The following CEP63 variants were observed in gnomAD, a reference collection of about 807,000 sequenced individuals.
CEP63 encodes the protein centrosomal protein 63, also known as centrosomal protein of 63 kDa.
CEP63 carries 84 observed loss-of-function variants against 89.1 expected under a neutral mutation model. That is an observed-to-expected ratio of 0.94 (90% CI 0.79 to 1.13). CEP63 has a LOEUF of 1.13. Among genes scored for constraint, CEP63 ranks in the 50% most tolerant of loss-of-function variants. The probability of loss-of-function intolerance (pLI) is 0.00; values close to 1 mark genes in which losing one functional copy is unlikely to be tolerated. For synonymous variants in CEP63, 267 were observed against 272.5 expected, an observed-to-expected ratio of 0.98 and a Z score of 0.20; for missense variants, 838 against 813.3, an observed-to-expected ratio of 1.03 and a Z score of -0.37.
chr3:134,763,681 G>C, the CEP63 span, among the ~76,000 whole-genome samples: 2 of 152,144 alleles, frequency 1.3e-5, no homozygotes, highest in South Asian at 4.1e-4. Flanking sequence ...ATTCTTTCCA[G>C]GACCATAAAT....
the CEP63 span, among the ~76,000 whole-genome samples, chr3:134,665,702 C>CACACACACACACACAG: frequency 4.9e-5 from 5 of 102,324 alleles, no homozygotes; most frequent in Non-Finnish European, 9.9e-5. Context: ...CACACACACA[C>CACACACACACACACAG]AGAGAGAGAG....
chr3:134,631,404 G>A, the CEP63 span, among the ~76,000 whole-genome samples: 1,548 of 152,262 alleles, frequency 0.01, 35 homozygotes, highest in African/African-American at 0.036. Context: ...TCTTCAGACG[G>A]AAGAGAAATT....
chr3:134,744,687 T>A, the CEP63 span, among the ~76,000 whole-genome samples: 5 of 152,164 alleles, frequency 3.3e-5, no homozygotes, highest in Admixed American at 6.5e-5. Flanking sequence ...GCTAATTTTT[T>A]AAATTATTTT....
chr3:134,543,401 T>C (rs901285639), intron 6 of CEP63, among the ~76,000 whole-genome samples: 4 of 152,212 alleles, frequency 2.6e-5, no homozygotes, highest in African/African-American at 9.6e-5. Flanking sequence ...AGTTGATTAA[T>C]GTACTTTTCA....
the CEP63 span, chr3:134,615,427 A>T: frequency 9.5e-5 from 14 of 147,328 alleles, no homozygotes; most frequent in African/African-American, 3.5e-4. Context: ...CATATTCCTC[A>T]TAGCTGACAT....
At chr3:134,632,568 A>T in the CEP63 span, among the ~76,000 whole-genome samples, 1 of 152,064 alleles carries the variant, frequency 6.6e-6, no homozygotes, top group Non-Finnish European at 1.5e-5. Context: ...TGAAAATGAA[A>T]ATAAAACATA....
At chr3:134,731,997 G>A in the CEP63 span, among the ~76,000 whole-genome samples, 2 of 152,164 alleles carry the variant, frequency 1.3e-5, no homozygotes, top group Non-Finnish European at 1.5e-5. Context: ...AGCTGAGCTT[G>A]TAAAAGTTAA....
intron 6 of CEP63, among the ~76,000 whole-genome samples, chr3:134,544,153 A>G (rs1376752294): frequency 6.6e-6 from 1 of 152,202 alleles, no homozygotes; most frequent in Non-Finnish European, 1.5e-5. Flanking sequence ...TTAAATCTGC[A>G]ATAGATAGAT....
At chr3:134,516,880 C>T (rs970712783) in intron 3 of CEP63, among the ~76,000 whole-genome samples, 5 of 152,158 alleles carry the variant, frequency 3.3e-5, no homozygotes, top group Non-Finnish European at 4.4e-5. Flanking sequence ...TCTCTCTTTC[C>T]TTTCCCCATA....
the CEP63 span, among the ~76,000 whole-genome samples, chr3:134,647,053 A>G: frequency 6.6e-6 from 1 of 152,212 alleles, no homozygotes; most frequent in Non-Finnish European, 1.5e-5. Flanking sequence ...TTCAAGTCAT[A>G]CTGTCCCAAG....
At chr3:134,695,642 G>T in the CEP63 span, among the ~76,000 whole-genome samples, 14 of 152,302 alleles carry the variant, frequency 9.2e-5, no homozygotes, top group South Asian at 2.1e-4. Flanking sequence ...GAAAGAAGGG[G>T]CTCTGGACCG....
the CEP63 span, among the ~76,000 whole-genome samples, chr3:134,692,092 A>AT: frequency 3.9e-3 from 539 of 139,184 alleles, 2 homozygotes; most frequent in African/African-American, 0.014. Context: ...AGGCAGCTAG[A>AT]TTTTTTTTTT....
chr3:134,707,553 T>G, the CEP63 span, among the ~76,000 whole-genome samples: 1 of 152,244 alleles, frequency 6.6e-6, no homozygotes, highest in South Asian at 2.1e-4. Context: ...TACTCCTAGT[T>G]CCACTACTAC....
the CEP63 span, among the ~76,000 whole-genome samples, chr3:134,675,165 T>C: frequency 6.6e-6 from 1 of 152,214 alleles, no homozygotes; most frequent in Non-Finnish European, 1.5e-5. Flanking sequence ...ACCAATACTG[T>C]GTAGTCTGGC....
chr3:134,758,287 A>G, the CEP63 span, among the ~76,000 whole-genome samples: 1 of 152,184 alleles, frequency 6.6e-6, no homozygotes. Context: ...TAAATGAATG[A>G]TTCATCTTGC....
the CEP63 span, among the ~76,000 whole-genome samples, chr3:134,701,555 A>T: frequency 2.0e-5 from 3 of 151,674 alleles, no homozygotes; most frequent in African/African-American, 4.8e-5. Flanking sequence ...TACTATGGAC[A>T]TCAAGGGTAT....
chr3:134,729,643 C>G, the CEP63 span, among the ~76,000 whole-genome samples: 2 of 152,120 alleles, frequency 1.3e-5, no homozygotes, highest in Non-Finnish European at 2.9e-5. Flanking sequence ...AGAATAAGGT[C>G]TGGTTCAAAG....
intron 3 of CEP63, among the ~76,000 whole-genome samples, chr3:134,529,547 G>A (rs1949439924): frequency 6.6e-6 from 1 of 151,918 alleles, no homozygotes; most frequent in Non-Finnish European, 1.5e-5. Context: ...TGTCGTGTTG[G>A]CCAGGCTGGT....
chr3:134,539,949 T>TG (rs1346965002), intron 6 of CEP63, among the ~76,000 whole-genome samples: 1 of 152,198 alleles, frequency 6.6e-6, no homozygotes, highest in Non-Finnish European at 1.5e-5. Context: ...CTTCTGACTT[T>TG]GTGTATGCTT....
Sources: allele counts gnomAD v4.1 joint callset (sites outside exome capture counted in the v4.1 genomes callset), GRCh38; gene constraint gnomAD v4.1.1; transcripts MANE v1.5; gene names NCBI Gene and HGNC (gene_info 2026-07-23, HGNC 2026-07-21).